PCDHA3: variants seen among roughly 807,000 people sequenced by gnomAD.
PCDHA3 encodes protocadherin alpha-3.
In PCDHA3, 41 loss-of-function variants were observed where a neutral mutation model predicts 62.2. That is an observed-to-expected ratio of 0.66 (90% confidence interval 0.51 to 0.86). PCDHA3 has a LOEUF of 0.86. Ranked by LOEUF, PCDHA3 falls within the 40% of genes least tolerant of loss-of-function variation. The pLI is 0.00. For synonymous variants in PCDHA3, 640 were observed against 555.4 expected, an observed-to-expected ratio of 1.15 and a Z score of -2.14; for missense variants, 1,304 against 1,241.2, an observed-to-expected ratio of 1.05 and a Z score of -0.76.
rs181372488 is a variant in PCDHA3, at chr5:140,858,049, G to A, written c.2394+54458G>A. 14,822 of 1,597,442 alleles carry A rather than the reference G, an allele frequency of 9.3e-3. 1,340 individuals carry two copies. Among genetic ancestry groups the A allele is most frequent in the Non-Finnish European group, 0.012 (13,697 of 1,167,420 alleles). On this transcript the variant is annotated intron_variant, in intron 1 of 3. Transcript: ENST00000522353. Reference sequence around the variant, plus strand: ...CGGCCACGGCCACTGTGCTTGTGTCGCTTGTGGAGGGCAGCCAGGCACCCA... The same window carrying A: ...CGGCCACGGCCACTGTGCTTGTGTCACTTGTGGAGGGCAGCCAGGCACCCA...
intron 1 of PCDHA3, among the ~76,000 whole-genome samples, chr5:140,947,198 TA>T (rs1554218091): frequency 1.3e-5 from 2 of 151,312 alleles, no homozygotes; most frequent in African/African-American, 4.8e-5. Flanking sequence ...TACACAGCCT[TA>T]AAAAAAGAAA....
At chr5:140,882,318 G>T (rs534213144) in intron 1 of PCDHA3, 1 of 1,614,128 alleles carries the variant, frequency 6.2e-7, no homozygotes, top group African/African-American at 1.3e-5. Flanking sequence ...CTACTGCTCT[G>T]GCTTCTGATC....
Position 140,877,553 on chromosome 5 carries a change from T to C in PCDHA3, c.2394+73962T>C, listed in dbSNP as rs781933436. The C allele has an allele frequency of 1.9e-6, 3 of 1,613,720 alleles. No individual in the cohort carries two copies. The South Asian group carries it at 3.3e-5, about 18-fold the overall frequency. On this transcript the variant is annotated intron_variant, in intron 1 of 3. Coordinates refer to ENST00000522353, the MANE Select transcript of PCDHA3 (RefSeq NM_018906.3). ...GCTGTGGATCCCGAAGCGGCTCTGG[T>C]GGATATTAACGTGTACCTCATCATC...
At chr5:140,870,552 G>T in intron 1 of PCDHA3, 4 of 1,614,042 alleles carry the variant, frequency 2.5e-6, no homozygotes, top group Non-Finnish European at 2.5e-6. Flanking sequence ...ACGCGGACGC[G>T]CAGGAGAACG....
chr5:140,832,834 T>C (rs1009712923), intron 1 of PCDHA3, among the ~76,000 whole-genome samples: 2 of 152,174 alleles, frequency 1.3e-5, no homozygotes, highest in African/African-American at 4.8e-5. Flanking sequence ...CTTTTTCCCT[T>C]GTTGAAGGAG....
At chr5:140,940,934 G>A (rs155815) in intron 1 of PCDHA3, among the ~76,000 whole-genome samples, 48,303 of 152,082 alleles carry the variant, frequency 0.32, 8,018 homozygotes, top group East Asian at 0.53. Flanking sequence ...TGGCTACTTA[G>A]ACTACGTATT....
chr5:140,876,674 A>T (rs782568001), intron 1 of PCDHA3: 38 of 1,614,024 alleles, frequency 2.4e-5, no homozygotes, highest in Non-Finnish European at 3.1e-5. Flanking sequence ...GTGTCCACCT[A>T]CAAGAATTAC....
At chr5:140,975,027 C>G (rs1235916815) in intron 1 of PCDHA3, among the ~76,000 whole-genome samples, 1 of 152,082 alleles carries the variant, frequency 6.6e-6, no homozygotes, top group Non-Finnish European at 1.5e-5. Flanking sequence ...GCTGTGTTGT[C>G]CTTTGCAGGC....
chr5:140,853,597 G>A lies in PCDHA3; in HGVS notation c.2394+50006G>A, dbSNP rs2042800183. 3.0e-6 allele frequency: 3 copies of A among 986,998 alleles called. 1 individual carries two copies. The highest frequency in any genetic ancestry group is 3.7e-6 in the Non-Finnish European group (3 of 819,142). The allele number at this position is 986,998 out of a possible 1,614,324, so 61.1% of individuals were successfully genotyped here. A position where few individuals can be genotyped will look rare whatever the true frequency, so the allele number is the denominator to read the frequency against. On this transcript the variant is annotated intron_variant, in intron 1 of 3. Transcript: ENST00000522353. ...ACCCAATATCTTAGACACTTTGAGA[G>A]CAAAGGGGGTGCTGTAAATAAGTAT... is the stretch of plus-strand genomic sequence containing the variant.
intron 1 of PCDHA3, chr5:140,863,626 A>G (rs2048099492): frequency 3.1e-6 from 1 of 320,146 alleles, no homozygotes; most frequent in African/African-American, 2.2e-5. Context: ...AGTGACATTG[A>G]TAATGTTCAC....
In PCDHA3 at chr5:140,842,941, G is replaced by T. The variant is rs1388720747; in HGVS notation, c.2394+39350G>T. 6 of 1,594,648 alleles carry T rather than the reference G, an allele frequency of 3.8e-6. No homozygotes were observed. The East Asian group carries it at 8.9e-5, about 24-fold the overall frequency. ...AGTTCCAGGTGAGCGCGCGCGACGC[G>T]GGCGTGCCGCCTCTGGGCAGCAACG... On this transcript the variant is annotated intron_variant, in intron 1 of 3. Coordinates refer to ENST00000522353, the MANE Select transcript of PCDHA3 (RefSeq NM_018906.3).
intron 1 of PCDHA3, among the ~76,000 whole-genome samples, chr5:140,926,141 A>G (rs2082938262): frequency 6.6e-6 from 1 of 152,038 alleles, no homozygotes; most frequent in Non-Finnish European, 1.5e-5. Flanking sequence ...AGCAGGATCC[A>G]GCGCGGAAAG....
chr5:140,832,245 C>T lies in PCDHA3; in HGVS notation c.2394+28654C>T, dbSNP rs2150200426. ...AGTTGGTTTTGACTTTTTGTGTTGT[C>T]CATGTTCCCAGGAAATATTAGACTA... On this transcript the variant is annotated intron_variant, in intron 1 of 3. Coordinates refer to ENST00000522353, the MANE Select transcript of PCDHA3 (RefSeq NM_018906.3). Among the ~76,000 whole-genome samples, 254 of 152,260 alleles carry T rather than the reference C, an allele frequency of 1.7e-3. 1 individual carries two copies. Among genetic ancestry groups the T allele is most frequent in the African/African-American group, 5.9e-3 (244 of 41,568 alleles).
chr5:140,921,777 C>T (rs1434211783), intron 1 of PCDHA3, among the ~76,000 whole-genome samples: 1 of 152,030 alleles, frequency 6.6e-6, no homozygotes, highest in African/African-American at 2.4e-5. Context: ...TCAATACTGA[C>T]TTGGATGTTC....
chr5:140,900,416 T>G (rs1303205296), intron 1 of PCDHA3, among the ~76,000 whole-genome samples: 8 of 152,220 alleles, frequency 5.3e-5, no homozygotes, highest in Admixed American at 5.2e-4. Flanking sequence ...TAGCTGGGAT[T>G]ATAGGCACGT....
chr5:140,921,925 G>A (rs895157006), intron 1 of PCDHA3, among the ~76,000 whole-genome samples: 2 of 151,816 alleles, frequency 1.3e-5, no homozygotes, highest in African/African-American at 4.8e-5. Flanking sequence ...AAAACTTATA[G>A]TCAATATAAT....
At chr5:140,957,780 G>A (rs2095383354) in intron 1 of PCDHA3, among the ~76,000 whole-genome samples, 1 of 152,020 alleles carries the variant, frequency 6.6e-6, no homozygotes, top group Non-Finnish European at 1.5e-5. Context: ...TAAAAACTAA[G>A]TTCATCATAT....
At chr5:140,821,582 C>T in intron 1 of PCDHA3, 1 of 622,440 alleles carries the variant, frequency 1.6e-6, no homozygotes, top group Non-Finnish European at 2.6e-6. Flanking sequence ...AGGTTTTTCT[C>T]CCTTCCCAGC....
chr5:140,870,582 G>T (rs1554164436), intron 1 of PCDHA3: 2 of 1,613,846 alleles, frequency 1.2e-6, no homozygotes, highest in Non-Finnish European at 1.7e-6. Flanking sequence ...CCTACTCGCT[G>T]GTGGAGCGGC....
Sources: allele counts gnomAD v4.1 joint callset (sites outside exome capture counted in the v4.1 genomes callset), GRCh38; gene constraint gnomAD v4.1.1; transcripts MANE v1.5; gene names NCBI Gene and HGNC (gene_info 2026-07-23, HGNC 2026-07-21).